ADGRL2: variants seen among roughly 807,000 people sequenced by gnomAD.
ADGRL2 encodes adhesion G protein-coupled receptor L2.
In ADGRL2, 44 loss-of-function variants were observed where a neutral mutation model predicts 157.4. That is an observed-to-expected ratio of 0.28 (90% CI 0.22 to 0.36). ADGRL2 has a LOEUF of 0.36. ADGRL2 is among the 10% of genes least tolerant of loss of function. The pLI is 1.00. For missense variants in ADGRL2, 1,510 were observed against 1,768.9 expected (o/e 0.85, Z 2.63); for synonymous variants, 585 against 624.7 (o/e 0.94, Z 0.95).
At chr1:81,401,653 T>G (rs1384478745) in intron 1 of ADGRL2, among the ~76,000 whole-genome samples, 1 of 152,218 alleles carries the variant, frequency 6.6e-6, no homozygotes, top group Non-Finnish European at 1.5e-5. Flanking sequence ...ATTTGGCATG[T>G]TTATGAGAGT....
chr1:81,411,845 A>AC (rs2076950725), intron 1 of ADGRL2, among the ~76,000 whole-genome samples: 1 of 149,944 alleles, frequency 6.7e-6, no homozygotes, highest in Non-Finnish European at 1.5e-5. Flanking sequence ...GCGCCACTGC[A>AC]CTCCAGCCTG....
At chr1:81,637,547 A>C (rs1165428471) in intron 3 of ADGRL2, among the ~76,000 whole-genome samples, 1 of 152,204 alleles carries the variant, frequency 6.6e-6, no homozygotes, top group Non-Finnish European at 1.5e-5. Flanking sequence ...CTTCTCAAAA[A>C]TAACGAATGT....
intron 1 of ADGRL2, among the ~76,000 whole-genome samples, chr1:81,407,367 G>A (rs533409919): frequency 2.2e-4 from 33 of 152,166 alleles, no homozygotes; most frequent in Non-Finnish European, 4.0e-4. Flanking sequence ...TTACAAGTGA[G>A]GTTAAAAAGA....
At chr1:81,916,542 T>C in intron 3 of ADGRL2, among the ~76,000 whole-genome samples, 1 of 152,056 alleles carries the variant, frequency 6.6e-6, no homozygotes, top group East Asian at 1.9e-4. Flanking sequence ...TGTAATATAA[T>C]GCATGTTTTC....
At chr1:81,663,546 A>C (rs1349154476) in intron 3 of ADGRL2, among the ~76,000 whole-genome samples, 1 of 152,192 alleles carries the variant, frequency 6.6e-6, no homozygotes, top group Admixed American at 6.6e-5. Context: ...CAGAGTGCAA[A>C]GAGGAAGTTT....
chr1:81,327,239 A>C (rs1660965640), intron 1 of ADGRL2, among the ~76,000 whole-genome samples: 1 of 152,310 alleles, frequency 6.6e-6, no homozygotes, highest in Middle Eastern at 3.4e-3. Flanking sequence ...GTTTGCTGAG[A>C]ATGGAATGGG....
intron 2 of ADGRL2, among the ~76,000 whole-genome samples, chr1:81,466,658 ATCTC>A (rs71641269): frequency 0.023 from 2,698 of 118,020 alleles, 48 homozygotes; most frequent in East Asian, 0.095. Flanking sequence ...GACATATAAC[ATCTC>A]TCTCTCTCAC....
chr1:81,734,155 A>G (rs1275411762), intron 1 of ADGRL2, among the ~76,000 whole-genome samples: 1 of 150,906 alleles, frequency 6.6e-6, no homozygotes, highest in Non-Finnish European at 1.5e-5. Context: ...GCATGCCTGT[A>G]ATCCCAGCTA....
At chr1:81,765,148 A>C (rs961060345) in intron 2 of ADGRL2, among the ~76,000 whole-genome samples, 4 of 152,072 alleles carry the variant, frequency 2.6e-5, no homozygotes, top group African/African-American at 9.6e-5. Context: ...ATCTAGTATC[A>C]ATCTTTCCTA....
intron 1 of ADGRL2, among the ~76,000 whole-genome samples, chr1:81,723,515 TTATG>T (rs1255248548): frequency 6.6e-6 from 1 of 152,208 alleles, no homozygotes; most frequent in Non-Finnish European, 1.5e-5. Context: ...GGGAAGATAC[TTATG>T]TATGGAAGAT....
intron 1 of ADGRL2, among the ~76,000 whole-genome samples, chr1:81,369,728 G>C (rs2076129776): frequency 6.6e-6 from 1 of 151,994 alleles, no homozygotes; most frequent in Admixed American, 6.6e-5. Context: ...CTTTGGTTCA[G>C]AAAAGCCACG....
intron 17 of ADGRL2, among the ~76,000 whole-genome samples, chr1:81,975,420 A>T (rs1659933246): frequency 6.6e-6 from 1 of 152,122 alleles, no homozygotes; most frequent in Non-Finnish European, 1.5e-5. Context: ...AAAGAGCAAG[A>T]GGGTCAAAGA....
At chr1:81,567,053 A>G (rs1488542682) in intron 2 of ADGRL2, among the ~76,000 whole-genome samples, 2 of 152,122 alleles carry the variant, frequency 1.3e-5, no homozygotes, top group African/African-American at 4.8e-5. Context: ...AGTATGCTTA[A>G]CTTACAGCAT....
intron 11 of ADGRL2, among the ~76,000 whole-genome samples, chr1:81,960,596 TC>T (rs1391566140): frequency 6.6e-6 from 1 of 152,054 alleles, no homozygotes; most frequent in Admixed American, 6.6e-5. Context: ...TACCTCGGCC[TC>T]CCGAGTAGCT....
At chr1:81,888,948 A>T (rs989507319) in intron 2 of ADGRL2, among the ~76,000 whole-genome samples, 2 of 152,032 alleles carry the variant, frequency 1.3e-5, no homozygotes, top group Non-Finnish European at 2.9e-5. Flanking sequence ...TAACTATTTG[A>T]TGTGTATTAT....
chr1:81,819,750 A>G (rs779718162), intron 1 of ADGRL2, among the ~76,000 whole-genome samples: 1 of 152,142 alleles, frequency 6.6e-6, no homozygotes, highest in South Asian at 2.1e-4. Context: ...TACTTTTGTC[A>G]TTATTAGACC....
chr1:81,899,901 G>A (rs1350032696), intron 2 of ADGRL2, among the ~76,000 whole-genome samples: 3 of 152,088 alleles, frequency 2.0e-5, no homozygotes, highest in African/African-American at 4.8e-5. Context: ...ACTAGTAGCA[G>A]CCAGCATACC....
At chr1:81,581,872 GCGCACACACACA>G (rs1408570235) in intron 3 of ADGRL2, among the ~76,000 whole-genome samples, 5 of 85,284 alleles carry the variant, frequency 5.9e-5, no homozygotes, top group Non-Finnish European at 1.2e-4. Context: ...ACACACATGC[GCGCACACACACA>G]CACACACACA....
intron 6 of ADGRL2, among the ~76,000 whole-genome samples, chr1:81,948,629 G>A (rs1205124530): frequency 6.6e-6 from 1 of 152,196 alleles, no homozygotes; most frequent in Admixed American, 6.5e-5. Flanking sequence ...AAGCCTGGCT[G>A]CATTGTAATC....
Sources: gnomAD v4.1 joint callset for allele counts (sites outside exome capture counted in the v4.1 genomes callset) on GRCh38, gnomAD v4.1.1 for gene constraint, MANE v1.5 for transcripts, NCBI Gene and HGNC (gene_info 2026-07-23, HGNC 2026-07-21) for gene names.